Variants in SMIM14 observed in about 807,000 individuals in gnomAD.
The protein encoded by SMIM14 is chromosome 4 open reading frame 34.
A neutral mutation model predicts 12.6 loss-of-function variants in SMIM14; 5 were observed. The observed-to-expected ratio is 0.40, with a 90% CI of 0.21 to 0.83. The LOEUF is 0.83. Ranked by LOEUF, SMIM14 falls within the 40% of genes least tolerant of loss-of-function variation. The pLI is 0.37. For synonymous variants in SMIM14, 30 were observed against 40.1 expected, an observed-to-expected ratio of 0.75 and a Z score of 0.95; for missense variants, 86 against 119.1, an observed-to-expected ratio of 0.72 and a Z score of 1.29.
chr4:39,622,373 C>A (rs201788614), intron 1 of SMIM14, among the ~76,000 whole-genome samples: 1 of 151,422 alleles, frequency 6.6e-6, no homozygotes, highest in African/African-American at 2.4e-5. Context: ...TGAGCCACCG[C>A]GCCCGGCCAC....
At chr4:39,554,654 CTTT>C (rs111326390) in intron 4 of SMIM14, among the ~76,000 whole-genome samples, 4,072 of 95,126 alleles carry the variant, frequency 0.043, 88 homozygotes, top group East Asian at 0.12. Context: ...GGAAATTTTC[CTTT>C]TTTTTTTTTT....
chr4:39,564,433 T>G (rs1712470857), intron 3 of SMIM14, among the ~76,000 whole-genome samples: 1 of 152,180 alleles, frequency 6.6e-6, no homozygotes, highest in African/African-American at 2.4e-5. Context: ...GACATCATGC[T>G]CAAAAGAAAT....
intron 2 of SMIM14, among the ~76,000 whole-genome samples, chr4:39,587,097 TG>T (rs1434221979): frequency 1.3e-5 from 2 of 151,992 alleles, no homozygotes; most frequent in African/African-American, 2.4e-5. Flanking sequence ...ATATGAATTT[TG>T]GGGGGAAGGT....
At chr4:39,576,658 G>GTATATACATATATA (rs1390098435) in intron 2 of SMIM14, among the ~76,000 whole-genome samples, 1 of 40,420 alleles carries the variant, frequency 2.5e-5, no homozygotes, top group East Asian at 8.2e-4. Flanking sequence ...GTGTGTGTAT[G>GTATATACATATATA]TGTATATATA....
At chr4:39,616,130 TTTG>T (rs570911027) in intron 1 of SMIM14, among the ~76,000 whole-genome samples, 1 of 151,988 alleles carries the variant, frequency 6.6e-6, no homozygotes, top group Non-Finnish European at 1.5e-5. Context: ...TATTCCCAAT[TTTG>T]TTGTTGTTGT....
At chr4:39,579,739 G>A (rs1296982477) in intron 2 of SMIM14, among the ~76,000 whole-genome samples, 1 of 151,876 alleles carries the variant, frequency 6.6e-6, no homozygotes, top group African/African-American at 2.4e-5. Context: ...AGCTGCTTGG[G>A]AGGCTGAGGC....
intron 1 of SMIM14, among the ~76,000 whole-genome samples, chr4:39,616,763 T>TA (rs146763106): frequency 0.023 from 3,427 of 152,238 alleles, 149 homozygotes; most frequent in African/African-American, 0.077. Context: ...TATGTACCCT[T>TA]TGAAACCTCT....
chr4:39,606,411 G>A (rs1173564485), intron 1 of SMIM14, among the ~76,000 whole-genome samples: 3 of 151,866 alleles, frequency 2.0e-5, no homozygotes, highest in African/African-American at 7.3e-5. Flanking sequence ...GGGAGGCCGA[G>A]GTGGGTGGAT....
chr4:39,601,146 T>C (rs1229346347), intron 2 of SMIM14, among the ~76,000 whole-genome samples: 1 of 152,192 alleles, frequency 6.6e-6, no homozygotes, highest in Admixed American at 6.5e-5. Flanking sequence ...AAGTTGTGTA[T>C]ATTCCTTGGC....
chr4:39,561,162 G>C (rs1712291744), intron 3 of SMIM14, among the ~76,000 whole-genome samples: 1 of 152,090 alleles, frequency 6.6e-6, no homozygotes, highest in South Asian at 2.1e-4. Flanking sequence ...TGGTTCAGCA[G>C]CCCTAATCCT....
intron 1 of SMIM14, among the ~76,000 whole-genome samples, chr4:39,618,174 G>T (rs1179239409): frequency 6.6e-6 from 1 of 152,100 alleles, no homozygotes; most frequent in Non-Finnish European, 1.5e-5. Context: ...TACAGAAAAG[G>T]CCCCCAAAAC....
At position 39,576,660 on chromosome 4, in the gene SMIM14, G is replaced by GTGTGTATATATATATA. The variant is rs1339477098; in HGVS notation, c.76-4198_76-4197insTATATATATATACACA. ...CTTATACCTATGTGTGTGTGTATGTGTATATATATATATATATATATATAT... is the reference window on the plus strand; with the variant it reads ...CTTATACCTATGTGTGTGTGTATGTGTGTGTATATATATATATATATATATATATATATATATATAT... On this transcript the variant is annotated intron_variant, in intron 2 of 4. Coordinates refer to ENST00000295958, the MANE Select transcript of SMIM14 (RefSeq NM_174921.3). Among the ~76,000 whole-genome samples, 51 of 72,376 alleles carry GTGTGTATATATATATA rather than the reference G, an allele frequency of 7.0e-4. 3 individuals carry two copies. In the Admixed American group the frequency reaches 0.011, roughly 15 times the overall value. The allele number at this position is 72,376 out of a possible 152,430, so 47.5% of individuals were successfully genotyped here. A position where few individuals can be genotyped will look rare whatever the true frequency, so the allele number is the denominator to read the frequency against.
chr4:39,597,591 C>T (rs954865216), intron 2 of SMIM14, among the ~76,000 whole-genome samples: 1 of 151,764 alleles, frequency 6.6e-6, no homozygotes, highest in Non-Finnish European at 1.5e-5. Flanking sequence ...TTACAGGCAC[C>T]TGCCACCACA....
Position 39,590,173 on chromosome 4 carries a change from G to C in SMIM14, c.75+14898C>G, listed in dbSNP as rs185935078. Reference sequence around the variant, plus strand: ...TCACACCTGTAATCCCAGCACTTTGGGGGGCCAAGGCAGGTGGATCACCTG... The same window carrying C: ...TCACACCTGTAATCCCAGCACTTTGCGGGGCCAAGGCAGGTGGATCACCTG... On this transcript the variant is annotated intron_variant, in intron 2 of 4. Transcript: ENST00000295958. Among the ~76,000 whole-genome samples, 1,443 of 152,094 alleles carry C rather than the reference G, an allele frequency of 9.5e-3. 26 individuals carry two copies. Among genetic ancestry groups the C allele is most frequent in the African/African-American group, 0.032 (1,345 of 41,514 alleles).
intron 3 of SMIM14, among the ~76,000 whole-genome samples, chr4:39,559,367 C>T (rs535304358): frequency 2.1e-5 from 3 of 143,232 alleles, no homozygotes; most frequent in East Asian, 4.1e-4. Context: ...CCAGCCTGGG[C>T]GAGTGAGCAA....
chr4:39,553,100 GC>G (rs1263591988), intron 4 of SMIM14, among the ~76,000 whole-genome samples: 1 of 149,436 alleles, frequency 6.7e-6, no homozygotes, highest in Non-Finnish European at 1.5e-5. Flanking sequence ...TCACTCTGTC[GC>G]CCAGGCTGGA....
chr4:39,581,365 T>G (rs1487762094), intron 2 of SMIM14, among the ~76,000 whole-genome samples: 1 of 152,170 alleles, frequency 6.6e-6, no homozygotes, highest in Non-Finnish European at 1.5e-5. Context: ...AACCAGAACC[T>G]GAAATCATAC....
rs184943291 is a variant in SMIM14, at chr4:39,583,123, C to T, written c.76-10660G>A. Among the ~76,000 whole-genome samples the T allele has an allele frequency of 2.6e-3, 390 of 152,166 alleles. 6 individuals are homozygous for T. Among genetic ancestry groups the T allele is most frequent in the African/African-American group, 8.9e-3 (369 of 41,464 alleles). On this transcript the variant is annotated intron_variant, in intron 2 of 4. Coordinates refer to ENST00000295958, the MANE Select transcript of SMIM14 (RefSeq NM_174921.3). ...TTTTTTTAAGAGACAGGGTGTCACT[C>T]TGTTGCCCTGGCTGGTGTGCAGTGG...
intron 3 of SMIM14, among the ~76,000 whole-genome samples, chr4:39,570,465 C>A (rs1712827472): frequency 6.6e-6 from 1 of 151,940 alleles, no homozygotes; most frequent in African/African-American, 2.4e-5. Flanking sequence ...GGCAATCTAT[C>A]CTTTGTTACA....
Sources: allele counts gnomAD v4.1 joint callset (sites outside exome capture counted in the v4.1 genomes callset), GRCh38; gene constraint gnomAD v4.1.1; transcripts MANE v1.5; gene names NCBI Gene and HGNC (gene_info 2026-07-23, HGNC 2026-07-21).